The following NPC1 variants were observed in gnomAD, a reference collection of about 807,000 sequenced individuals.
NPC1 encodes Niemann-Pick C1 protein.
In NPC1, 85 loss-of-function variants were observed where a neutral mutation model predicts 140.4. The observed-to-expected ratio is 0.61, with a 90% CI of 0.51 to 0.72. The LOEUF is 0.72. NPC1 is among the 30% of genes least tolerant of loss of function. NPC1 has a pLI of 0.00. For synonymous variants in NPC1, 656 were observed against 624.8 expected, an observed-to-expected ratio of 1.05 and a Z score of -0.74; for missense variants, 1,504 against 1,623.8, an observed-to-expected ratio of 0.93 and a Z score of 1.27.
Position 23,544,423 on chromosome 18 carries a change from A to C in NPC1, c.2051T>G (p.Leu684Arg). 6.2e-7 allele frequency: 1 copy of C among 1,614,186 alleles called. No individual in the cohort carries two copies. The highest frequency in any genetic ancestry group is 8.5e-7 in the Non-Finnish European group (1 of 1,180,028). The change falls in exon 13 of 25, where the codon CTC (leucine) becomes CGC (arginine). Residue 684 changes from leucine to arginine, a missense_variant. Physicochemically the swap from Leu to Arg is moderately radical, Grantham distance 102 (BLOSUM62 -2). Coordinates refer to ENST00000269228, the MANE Select transcript of NPC1 (RefSeq NM_000271.5). Reference sequence around the variant, plus strand: ...GAACGGGATGACTTCAATCACAATGAGGGTCAAGGGCAACCCAATGTAGCT... The same window carrying C: ...GAACGGGATGACTTCAATCACAATGCGGGTCAAGGGCAACCCAATGTAGCT... ...VFSYIGLPLT[L>R]IVIEVIPFLV...
downstream of NPC1, chr18:23,518,765 C>G (rs1374570253): frequency 6.4e-6 from 5 of 778,322 alleles, no homozygotes; most frequent in East Asian, 1.3e-4. Context: ...TCTTTGTAAA[C>G]ACTTGTTGGC....
In NPC1 at chr18:23,539,844, T is replaced by G; in HGVS notation, c.2762A>C (p.Gln921Pro). The change falls in exon 18 of 25, where the codon CAG becomes CCG. Residue 921 changes from glutamine to proline, a missense_variant. Transcript: ENST00000269228. Reference sequence around the variant, plus strand: ...CAGCTGCGCCGCGTTAAATATCTGCTGCACCAGGGAATCATTGTTGCAGCC... The same window carrying G: ...CAGCTGCGCCGCGTTAAATATCTGCGGCACCAGGGAATCATTGTTGCAGCC... Reference protein sequence around the residue: ...GMGCNNDSLVQQIFNAAQLDN... With the variant: ...GMGCNNDSLVPQIFNAAQLDN... 3 of 1,614,222 alleles carry G rather than the reference T, an allele frequency of 1.9e-6. No homozygotes were observed. Among genetic ancestry groups the G allele is most frequent in the Non-Finnish European group, 2.5e-6 (3 of 1,180,038 alleles).
At chr18:23,560,774 AC>A (rs1319024549) in intron 5 of NPC1, among the ~76,000 whole-genome samples, 2 of 152,270 alleles carry the variant, frequency 1.3e-5, no homozygotes, top group Admixed American at 6.5e-5. Flanking sequence ...AGGAGCTAAT[AC>A]TATAGCAGAG....
chr18:23,533,201 T>C (rs531105619), intron 24 of NPC1, 154 bp downstream of exon 24: 1 of 897,538 alleles, frequency 1.1e-6, no homozygotes, highest in Admixed American at 2.6e-5. Context: ...GATGGGTTTT[T>C]TCTTTTAGAA....
intron 1 of NPC1, among the ~76,000 whole-genome samples, chr18:23,579,150 G>A (rs1408784303): frequency 6.6e-6 from 1 of 152,212 alleles, no homozygotes; most frequent in Non-Finnish European, 1.5e-5. Context: ...GGACCTGCCT[G>A]CCTCTGCCTT....
intron 18 of NPC1, 80 bp downstream of exon 18, chr18:23,539,731 A>C: frequency 1.4e-6 from 2 of 1,440,274 alleles, no homozygotes; most frequent in Non-Finnish European, 2.0e-6. Flanking sequence ...ATTTTCAGTG[A>C]GACATTTCAG....
At chr18:23,583,642 T>C (rs888647750) in intron 1 of NPC1, among the ~76,000 whole-genome samples, 1 of 151,792 alleles carries the variant, frequency 6.6e-6, no homozygotes, top group African/African-American at 2.4e-5. Flanking sequence ...ATGCTTAGAA[T>C]ACTGCATCCC....
downstream of NPC1, among the ~76,000 whole-genome samples, chr18:23,526,085 G>A (rs2058291073): frequency 6.6e-6 from 1 of 152,162 alleles, no homozygotes; most frequent in Non-Finnish European, 1.5e-5. Flanking sequence ...TTTTTTATGT[G>A]GCACTTCATT....
At chr18:23,543,969 A>G (rs2058748444) in intron 13 of NPC1, among the ~76,000 whole-genome samples, 1 of 152,200 alleles carries the variant, frequency 6.6e-6, no homozygotes, top group Non-Finnish European at 1.5e-5. Context: ...TTTGGGCAAA[A>G]TGAATCTAAC....
intron 17 of NPC1, 93 bp downstream of exon 17, chr18:23,540,355 C>A: frequency 1.2e-6 from 1 of 824,768 alleles, no homozygotes; most frequent in Non-Finnish European, 2.0e-6. Flanking sequence ...TAGAAGCAGG[C>A]ACTTGCTTGA....
chr18:23,516,840 T>A (rs959712778), intron 3 of NPC1, among the ~76,000 whole-genome samples: 1 of 151,352 alleles, frequency 6.6e-6, no homozygotes, highest in Non-Finnish European at 1.5e-5. Flanking sequence ...ATTCTTCTGC[T>A]TCAGCCTCCC....
chr18:23,582,759 C>A (rs984405047), intron 1 of NPC1, among the ~76,000 whole-genome samples: 1 of 148,432 alleles, frequency 6.7e-6, no homozygotes, highest in Admixed American at 6.8e-5. Flanking sequence ...GAGCCAAGAT[C>A]GTGCCACTGC....
chr18:23,554,240 C>G (rs529243014), intron 9 of NPC1, among the ~76,000 whole-genome samples: 8 of 152,238 alleles, frequency 5.3e-5, no homozygotes, highest in Admixed American at 2.6e-4. Flanking sequence ...TTATTTTTCT[C>G]CTCATAGCAC....
chr18:23,565,441 C>T (rs1186133908), intron 4 of NPC1, among the ~76,000 whole-genome samples: 2 of 152,130 alleles, frequency 1.3e-5, no homozygotes, highest in Non-Finnish European at 2.9e-5. Context: ...CTGCAACCAC[C>T]GCGTCCCAGG....
At chr18:23,516,026 C>T in intron 3 of NPC1, 1 of 1,613,868 alleles carries the variant, frequency 6.2e-7, no homozygotes, top group East Asian at 2.2e-5. Flanking sequence ...GAAAAAAACA[C>T]CTTTCCCCAG....
At chr18:23,547,808 G>C (rs2058810113) in intron 11 of NPC1, among the ~76,000 whole-genome samples, 198 bp downstream of exon 11, 1 of 152,208 alleles carries the variant, frequency 6.6e-6, no homozygotes, top group Non-Finnish European at 1.5e-5. Flanking sequence ...TTCCTGTGGA[G>C]GGAGAGCTGT....
downstream of NPC1, chr18:23,529,267 C>A: frequency 4.3e-6 from 7 of 1,613,688 alleles, no homozygotes; most frequent in Non-Finnish European, 5.9e-6. Flanking sequence ...GATGTGTACA[C>A]CCATGTCCTG....
Position 23,544,459 on chromosome 18 carries a change from A to G in NPC1, c.2015T>C (p.Leu672Ser). The G allele has an allele frequency of 6.2e-7, 1 of 1,603,562 alleles. No individual in the cohort carries two copies. Residue 672 changes from leucine (L) to serine (S), a missense_variant, in exon 13 of 25, where the codon TTG (leucine) becomes TCG (serine). Physicochemically the swap from Leu to Ser is moderately radical, Grantham distance 145. Transcript: ENST00000269228. ...LIVLSSVACS[L>S]GVFSYIGLPL... Reference sequence around the variant, plus strand: ...CAACCCAATGTAGCTGAAGACACCCAAGGAGCAAGCCACCGAGCTCAGCAC... The same window carrying G: ...CAACCCAATGTAGCTGAAGACACCCGAGGAGCAAGCCACCGAGCTCAGCAC...
intron 20 of NPC1, 35 bp from the exon 21 acceptor site, chr18:23,536,911 G>C: frequency 1.3e-6 from 2 of 1,568,908 alleles, no homozygotes; most frequent in Non-Finnish European, 1.8e-6. Flanking sequence ...AGAGAGTCCA[G>C]GTCTTGCAAA....
Sources: allele counts gnomAD v4.1 joint callset (sites outside exome capture counted in the v4.1 genomes callset), GRCh38; gene constraint gnomAD v4.1.1; transcripts MANE v1.5; gene names NCBI Gene and HGNC (gene_info 2026-07-23, HGNC 2026-07-21).